Variants in TMEM131 observed in about 807,000 individuals in gnomAD.
The protein encoded by TMEM131 is transmembrane protein 131.
Under a neutral mutation model 211.6 loss-of-function variants are expected in TMEM131, and 66 were observed. That is an observed-to-expected ratio of 0.31 (90% CI 0.26 to 0.38). TMEM131 has a LOEUF of 0.38. Ranked by LOEUF, TMEM131 falls within the 10% of genes least tolerant of loss-of-function variation. TMEM131 has a pLI of 1.00. For missense variants in TMEM131, 2,036 were observed against 2,299.3 expected (o/e 0.89, Z 2.34); for synonymous variants, 844 against 841.3 (o/e 1.00, Z -0.06).
chr2:97,807,598 A>C (rs1681369126), intron 19 of TMEM131, among the ~76,000 whole-genome samples: 1 of 152,186 alleles, frequency 6.6e-6, no homozygotes, highest in Non-Finnish European at 1.5e-5. Context: ...CCTCTTTTTT[A>C]AAAATAAATC....
At chr2:97,934,093 A>G (rs1440580671) in intron 1 of TMEM131, among the ~76,000 whole-genome samples, 3 of 152,152 alleles carry the variant, frequency 2.0e-5, no homozygotes, top group Non-Finnish European at 2.9e-5. Flanking sequence ...ATTGCAGGCT[A>G]CATACTTGTC....
chr2:97,993,999 G>C (rs180747038), intron 1 of TMEM131, among the ~76,000 whole-genome samples: 65 of 152,326 alleles, frequency 4.3e-4, no homozygotes, highest in Non-Finnish European at 8.7e-4. Context: ...CAAAGGCTAA[G>C]CGCCAGTGTG....
At chr2:97,848,679 A>G (rs1683561262) in intron 5 of TMEM131, among the ~76,000 whole-genome samples, 1 of 152,080 alleles carries the variant, frequency 6.6e-6, no homozygotes, top group Admixed American at 6.6e-5. Flanking sequence ...ATGGATGAGA[A>G]GCTCATGGAT....
chr2:97,836,509 G>C (rs1682947860), intron 8 of TMEM131, among the ~76,000 whole-genome samples: 1 of 152,036 alleles, frequency 6.6e-6, no homozygotes, highest in Non-Finnish European at 1.5e-5. Context: ...TTATAAATAA[G>C]GTTCTCTTAC....
chr2:97,805,204 A>G lies in TMEM131; in HGVS notation c.2286T>C (p.Ser762=), dbSNP rs1396965064. The change falls in exon 22 of 41, where the codon TCT becomes TCC. Residue 762 remains serine, a splice_region_variant and synonymous_variant. Transcript: ENST00000186436. Reference sequence around the variant, plus strand: ...CTACACCAGGCTGCACTTTGGGTTCAGCTAAAACAAGGAAACATACTTAAC... The same window carrying G: ...CTACACCAGGCTGCACTTTGGGTTCGGCTAAAACAAGGAAACATACTTAAC... ...CYVGLPFLSK[S]EPKVQPGVAM... 1.2e-6 allele frequency: 2 copies of G among 1,610,584 alleles called. No homozygotes were observed. The highest frequency in any genetic ancestry group is 1.7e-4 in the Middle Eastern group (1 of 6,046).
chr2:97,768,741 C>T (rs1264162123), intron 33 of TMEM131, among the ~76,000 whole-genome samples: 1 of 152,058 alleles, frequency 6.6e-6, no homozygotes, highest in Non-Finnish European at 1.5e-5. Flanking sequence ...CAGGTGTGTG[C>T]CACCATGCTT....
chr2:97,880,428 T>C (rs532336172), intron 4 of TMEM131, among the ~76,000 whole-genome samples: 26 of 152,124 alleles, frequency 1.7e-4, no homozygotes, highest in Non-Finnish European at 3.2e-4. Flanking sequence ...GGCAGGCATA[T>C]GGTAACAGTC....
chr2:97,887,258 TGGCTAGCCTGG>T (rs1328786743), intron 4 of TMEM131, among the ~76,000 whole-genome samples: 1 of 152,224 alleles, frequency 6.6e-6, no homozygotes. Context: ...CAAAGCTGCT[TGGCTAGCCTGG>T]GGACATGTTT....
intron 24 of TMEM131, 59 bp from the exon 25 acceptor site, chr2:97,802,020 T>C (rs1027658667): frequency 1.9e-5 from 23 of 1,205,054 alleles, no homozygotes; most frequent in Non-Finnish European, 2.5e-5. Flanking sequence ...AAGGGAGTTA[T>C]GGAGTGATTA....
intron 7 of TMEM131, among the ~76,000 whole-genome samples, chr2:97,840,875 T>C (rs935731441): frequency 9.8e-5 from 15 of 152,334 alleles, no homozygotes; most frequent in African/African-American, 3.6e-4. Context: ...CTTTCACTTA[T>C]CATTTCTAAG....
chr2:97,988,010 A>C (rs559632140), intron 1 of TMEM131, among the ~76,000 whole-genome samples: 1 of 152,352 alleles, frequency 6.6e-6, no homozygotes, highest in South Asian at 2.1e-4. Context: ...AATAATCTTG[A>C]AAAGGAAGAA....
rs1680566988 is a variant in TMEM131 at position 97,792,816 on chromosome 2, T to C, written c.3714A>G (p.Lys1238=). ...TCCTACTAGAGGTACTTGAACTGTT[T>C]TTGGCTCTGACGTTTTCCACGTCAG... ...NSADVENVRA[K]NSSSTSSRTS... The change falls in exon 31 of 41, where the codon AAA becomes AAG. Residue 1238 remains lysine, a synonymous_variant. Transcript: ENST00000186436. 2 of 1,614,024 alleles carry C rather than the reference T, an allele frequency of 1.2e-6. No homozygotes were observed. Among genetic ancestry groups the C allele is most frequent in the East Asian group, 4.5e-5 (2 of 44,884 alleles).
At chr2:97,971,112 G>A (rs1250479140) in intron 1 of TMEM131, among the ~76,000 whole-genome samples, 1 of 152,142 alleles carries the variant, frequency 6.6e-6, no homozygotes, top group African/African-American at 2.4e-5. Flanking sequence ...GACAGTTATG[G>A]AAGCAAAAGT....
chr2:97,819,516 C>G (rs550079964), intron 11 of TMEM131, among the ~76,000 whole-genome samples: 2 of 152,164 alleles, frequency 1.3e-5, no homozygotes. Flanking sequence ...AATAGCTAGG[C>G]ATCAACAGGT....
At chr2:97,995,359 C>G in intron 1 of TMEM131, 117 bp downstream of exon 1, 1 of 1,077,306 alleles carries the variant, frequency 9.3e-7, no homozygotes, top group Non-Finnish European at 1.2e-6. Context: ...CGGTACCCGA[C>G]CGCCCAACTT....
At chr2:97,867,001 C>CA (rs1469489787) in intron 4 of TMEM131, among the ~76,000 whole-genome samples, 1 of 152,156 alleles carries the variant, frequency 6.6e-6, no homozygotes, top group Non-Finnish European at 1.5e-5. Flanking sequence ...TGTTGGCACA[C>CA]AAAAAAATTC....
At chr2:97,948,666 T>A (rs1559468339) in intron 1 of TMEM131, among the ~76,000 whole-genome samples, 1 of 152,148 alleles carries the variant, frequency 6.6e-6, no homozygotes, top group African/African-American at 2.4e-5. Context: ...TTTTTTTATT[T>A]ATTTTTTTTG....
intron 5 of TMEM131, among the ~76,000 whole-genome samples, chr2:97,858,995 A>G (rs2105175068): frequency 6.6e-6 from 1 of 152,374 alleles, no homozygotes; most frequent in East Asian, 1.9e-4. Flanking sequence ...TTTATTATGT[A>G]GCAAGAAACA....
At chr2:97,827,316 G>A (rs1682447699) in intron 11 of TMEM131, 1 of 790,268 alleles carries the variant, frequency 1.3e-6, no homozygotes, top group Non-Finnish European at 2.3e-6. Context: ...GATCGGCGCG[G>A]TTGTCAGCTA....
Sources: gnomAD v4.1 joint callset for allele counts (sites outside exome capture counted in the v4.1 genomes callset) on GRCh38, gnomAD v4.1.1 for gene constraint, MANE v1.5 for transcripts, NCBI Gene and HGNC (gene_info 2026-07-23, HGNC 2026-07-21) for gene names.